KIAA0825: variants seen among roughly 807,000 people sequenced by gnomAD.
The protein encoded by KIAA0825 is KIAA0825, also known as uncharacterized protein KIAA0825.
In KIAA0825, 119 loss-of-function variants were observed where a neutral mutation model predicts 147.6. That is an observed-to-expected ratio of 0.81 (90% CI 0.69 to 0.94). The LOEUF is 0.94. KIAA0825 is among the 40% of genes least tolerant of loss of function. The pLI, the probability that KIAA0825 is intolerant of heterozygous loss-of-function variation, is 0.00. For missense variants in KIAA0825, 1,381 were observed against 1,472.7 expected, an observed-to-expected ratio of 0.94 and a Z score of 1.02; for synonymous variants, 470 against 518.1, an observed-to-expected ratio of 0.91 and a Z score of 1.26.
chr5:94,375,647 TA>T (rs1747452233), intron 20 of KIAA0825, among the ~76,000 whole-genome samples: 2 of 152,184 alleles, frequency 1.3e-5, no homozygotes, highest in Non-Finnish European at 2.9e-5. Context: ...TTGGAGATGA[TA>T]AAACAAAATT....
chr5:94,254,155 A>G (rs1776118355), intron 20 of KIAA0825, among the ~76,000 whole-genome samples: 1 of 152,144 alleles, frequency 6.6e-6, no homozygotes, highest in Non-Finnish European at 1.5e-5. Context: ...AATGGCTTCT[A>G]ATAATGTCTA....
chr5:94,527,151 C>A (rs148557521), intron 3 of KIAA0825, among the ~76,000 whole-genome samples: 130 of 152,100 alleles, frequency 8.5e-4, no homozygotes, highest in African/African-American at 2.8e-3. Flanking sequence ...CTACTACACT[C>A]ATGCATGTAT....
chr5:94,581,030 C>T (rs1782067499), intron 2 of KIAA0825, among the ~76,000 whole-genome samples: 1 of 150,314 alleles, frequency 6.7e-6, no homozygotes, highest in Non-Finnish European at 1.5e-5. Flanking sequence ...ATATAAAGGA[C>T]TACCAGATGT....
intron 2 of KIAA0825, among the ~76,000 whole-genome samples, chr5:94,564,851 T>C (rs1180812210): frequency 6.6e-6 from 1 of 152,172 alleles, no homozygotes; most frequent in East Asian, 1.9e-4. Flanking sequence ...CCCCATCATC[T>C]GGATTAGTGC....
At chr5:94,430,721 T>C (rs1287294153) in intron 14 of KIAA0825, among the ~76,000 whole-genome samples, 3 of 152,212 alleles carry the variant, frequency 2.0e-5, no homozygotes, top group Non-Finnish European at 2.9e-5. Flanking sequence ...AAGGAAGATG[T>C]ATGTTTCTAC....
chr5:94,336,261 CTT>C (rs34128147), intron 20 of KIAA0825, among the ~76,000 whole-genome samples: 18 of 142,180 alleles, frequency 1.3e-4, no homozygotes, highest in East Asian at 2.1e-4. Flanking sequence ...TCTTTTCTTT[CTT>C]TTTTTTTTTT....
chr5:94,343,232 T>C (rs1782619498), intron 20 of KIAA0825, among the ~76,000 whole-genome samples: 1 of 152,244 alleles, frequency 6.6e-6, no homozygotes, highest in African/African-American at 2.4e-5. Flanking sequence ...CTTCCACCTT[T>C]TTTTGAATAT....
chr5:94,580,520 T>C (rs1040063968), intron 2 of KIAA0825, among the ~76,000 whole-genome samples: 1 of 151,168 alleles, frequency 6.6e-6, no homozygotes, highest in Non-Finnish European at 1.5e-5. Flanking sequence ...CCCGTTTCTC[T>C]TTCCTTACAG....
intron 15 of KIAA0825, chr5:94,413,617 C>T (rs969563562): frequency 6.6e-6 from 1 of 152,014 alleles, no homozygotes; most frequent in Non-Finnish European, 1.5e-5. Context: ...TCAGTGTCTT[C>T]CTGGGGCTGA....
At chr5:94,277,470 A>C (rs1462477274) in intron 20 of KIAA0825, among the ~76,000 whole-genome samples, 1 of 152,204 alleles carries the variant, frequency 6.6e-6, no homozygotes, top group African/African-American at 2.4e-5. Context: ...ACACTTCTCA[A>C]AAGAAGACAT....
chr5:94,586,426 A>G (rs781086884), intron 1 of KIAA0825, among the ~76,000 whole-genome samples: 1 of 152,242 alleles, frequency 6.6e-6, no homozygotes, highest in Non-Finnish European at 1.5e-5. Flanking sequence ...ATGCAAATAA[A>G]CTAGAAAATC....
chr5:94,316,137 A>G (rs1197553270), intron 20 of KIAA0825, among the ~76,000 whole-genome samples: 1 of 151,750 alleles, frequency 6.6e-6, no homozygotes, highest in Non-Finnish European at 1.5e-5. Context: ...ATCTCGTGTT[A>G]TATATGGCTT....
intron 20 of KIAA0825, among the ~76,000 whole-genome samples, chr5:94,338,966 T>C (rs1782084831): frequency 6.6e-6 from 1 of 152,192 alleles, no homozygotes; most frequent in Middle Eastern, 3.2e-3. Context: ...ATAAATACTA[T>C]TCAAATTGTT....
chr5:94,472,341 G>C (rs1032403981), intron 8 of KIAA0825, among the ~76,000 whole-genome samples: 9 of 152,172 alleles, frequency 5.9e-5, no homozygotes, highest in Admixed American at 5.2e-4. Context: ...GAATGGAAAA[G>C]TAAAGCCTAT....
At chr5:94,353,570 C>T (rs1783931050) in intron 20 of KIAA0825, among the ~76,000 whole-genome samples, 3 of 152,048 alleles carry the variant, frequency 2.0e-5, no homozygotes, top group South Asian at 2.1e-4. Flanking sequence ...TTACCACTAA[C>T]AGTATAGATA....
At chr5:94,494,854 T>C (rs1006111601) in intron 5 of KIAA0825, among the ~76,000 whole-genome samples, 2 of 152,200 alleles carry the variant, frequency 1.3e-5, no homozygotes, top group Non-Finnish European at 2.9e-5. Context: ...GAATATGCCG[T>C]GACAGAGAAG....
rs1768039468 is a variant in KIAA0825 at position 94,520,826 on chromosome 5, G to A, written c.392C>T (p.Ser131Leu). The A allele has an allele frequency of 6.2e-7, 1 of 1,613,054 alleles. No homozygotes were observed. The highest frequency in any genetic ancestry group is 1.3e-5 in the African/African-American group (1 of 74,888). Residue 131 changes from serine (S) to leucine (L), a missense_variant, in exon 5 of 21, where the codon TCA becomes TTA. Ser to Leu is a moderately radical substitution (Grantham distance 145, BLOSUM62 -2). Transcript: ENST00000682413. ...LSCHSSVSFPSTLSGTSFHFL... is the reference protein window; with the variant it reads ...LSCHSSVSFPLTLSGTSFHFL... ...ATGGAAAGATGTTCCACTTAGGGTT[G>A]ATGGGAATGAAACGCTGCTGTGGCA...
chr5:94,406,210 C>T (rs1314124091), intron 15 of KIAA0825, among the ~76,000 whole-genome samples: 1 of 152,176 alleles, frequency 6.6e-6, no homozygotes, highest in Non-Finnish European at 1.5e-5. Flanking sequence ...CAGGCGTGAG[C>T]CACTGAGCCT....
At chr5:94,569,266 A>G in intron 2 of KIAA0825, 2 of 268,400 alleles carry the variant, frequency 7.5e-6, no homozygotes, top group Non-Finnish European at 1.4e-5. Flanking sequence ...AGTGTACCCA[A>G]AAACAACCAT....
Sources: allele counts gnomAD v4.1 joint callset (sites outside exome capture counted in the v4.1 genomes callset), GRCh38; gene constraint gnomAD v4.1.1; transcripts MANE v1.5; gene names NCBI Gene and HGNC (gene_info 2026-07-23, HGNC 2026-07-21).